UBR3: variants seen among roughly 807,000 people sequenced by gnomAD.
UBR3 encodes the protein E3 ubiquitin-protein ligase UBR3.
Under a neutral mutation model 243.2 loss-of-function variants are expected in UBR3, and 85 were observed. The observed-to-expected ratio is 0.35, with a 90% CI of 0.29 to 0.42. The LOEUF (loss-of-function observed/expected upper bound fraction) is 0.42. Among genes scored for constraint, UBR3 ranks in the 10% least tolerant of loss-of-function variants. The pLI is 1.00. For missense variants in UBR3, 1,686 were observed against 2,300.8 expected (o/e 0.73, Z 5.47); for synonymous variants, 748 against 799.8 (o/e 0.94, Z 1.09).
chr2:169,911,593 G>C (rs577993741), intron 10 of UBR3, among the ~76,000 whole-genome samples: 2 of 152,152 alleles, frequency 1.3e-5, no homozygotes, highest in East Asian at 3.9e-4. Flanking sequence ...ATCAGAACAT[G>C]ATTATTAAAT....
Position 169,827,851 on chromosome 2 carries a change from A to G in UBR3, c.344A>G (p.Asp115Gly). ...DEFCAAVRAYDPAALCGLVWT... is the reference protein window; with the variant it reads ...DEFCAAVRAYGPAALCGLVWT... ...TTCTGCGCGGCGGTGCGGGCCTACG[A>G]TCCCGCGGCGCTCTGCGGCCTGGTC... The change falls in exon 1 of 39, where the codon GAT becomes GGT. Residue 115 changes from aspartate (D) to glycine (G), a missense_variant. This residue lies in a region of UBR3 where 145 missense variants were observed against 243.8 expected (regional missense o/e 0.59). Transcript: ENST00000272793. 6.6e-7 allele frequency: 1 copy of G among 1,505,950 alleles called. No individual in the cohort carries two copies. The highest frequency in any genetic ancestry group is 8.8e-7 in the Non-Finnish European group (1 of 1,131,740). The allele number at this position is 1,505,950 out of a possible 1,614,324, so 93.3% of individuals were successfully genotyped here. A position where few individuals can be genotyped will look rare whatever the true frequency, so the allele number is the denominator to read the frequency against.
At chr2:169,992,752 T>G (rs2089326956) in intron 25 of UBR3, among the ~76,000 whole-genome samples, 1 of 152,190 alleles carries the variant, frequency 6.6e-6, no homozygotes, top group South Asian at 2.1e-4. Context: ...AGGTTATTCT[T>G]TTTTAAAAAT....
intron 8 of UBR3, among the ~76,000 whole-genome samples, chr2:169,897,741 T>C (rs1354805964): frequency 2.0e-5 from 3 of 152,080 alleles, no homozygotes; most frequent in Non-Finnish European, 4.4e-5. Context: ...CCTCAGGTGA[T>C]CCCCCTGCCT....
intron 24 of UBR3, 70 bp downstream of exon 24, chr2:169,958,596 C>G: frequency 7.4e-7 from 1 of 1,353,320 alleles, no homozygotes; most frequent in South Asian, 1.3e-5. Context: ...GTAGTCCAGT[C>G]TTTTACTAAT....
intron 24 of UBR3, among the ~76,000 whole-genome samples, chr2:169,979,348 G>C (rs1365845148): frequency 6.6e-6 from 1 of 152,174 alleles, no homozygotes; most frequent in Non-Finnish European, 1.5e-5. Flanking sequence ...GCATTTTCCT[G>C]TAAAGCTAAG....
rs1199378819 is a variant in UBR3, at chr2:170,073,499, A to G, written c.5091A>G (p.Pro1697=). Residue 1697 remains proline (P), a synonymous_variant, in exon 36 of 39, where the codon CCA becomes CCG. Coordinates refer to ENST00000272793, the MANE Select transcript of UBR3 (RefSeq NM_172070.4). The part of the protein sequence containing the change: ...LLPTFYQTEH[P]FISASCLDWP... ...CAACGTTTTACCAAACAGAACATCC[A>G]TTCATCAGTGCCTCCTGTCTGGATT... 33 of 1,613,750 alleles carry G rather than the reference A, an allele frequency of 2.0e-5. No individual in the cohort carries two copies. The highest frequency in any genetic ancestry group is 4.5e-5 in the East Asian group (2 of 44,876).
At chr2:169,850,566 C>T (rs556223331) in intron 1 of UBR3, among the ~76,000 whole-genome samples, 29 of 152,190 alleles carry the variant, frequency 1.9e-4, no homozygotes, top group African/African-American at 5.8e-4. Context: ...TAATTGAGGC[C>T]GGGCACAGTG....
chr2:169,986,661 T>A lies in UBR3; in HGVS notation c.3651T>A (p.Asp1217Glu). ...TTCCCTCAGATTCTCCTGAGAATGA[T>A]ATTCCTATGGAGATCACCACGGCAG... ...TAMDVDSPEN[D>E]IPMEITTAEP... The change falls in exon 25 of 39, where the codon GAT becomes GAA. Residue 1217 changes from aspartate (D) to glutamate (E), a missense_variant. Asp to Glu is a conservative substitution (Grantham distance 45). Coordinates refer to ENST00000272793, the MANE Select transcript of UBR3 (RefSeq NM_172070.4). The A allele has an allele frequency of 6.2e-7, 1 of 1,611,380 alleles. No individual in the cohort carries two copies. The highest frequency in any genetic ancestry group is 8.5e-7 in the Non-Finnish European group (1 of 1,179,046).
At chr2:169,911,446 T>C (rs566812171) in intron 10 of UBR3, among the ~76,000 whole-genome samples, 1 of 152,262 alleles carries the variant, frequency 6.6e-6, no homozygotes, top group African/African-American at 2.4e-5. Flanking sequence ...GTATTATGCT[T>C]ATTTTTACAT....
Position 170,079,845 on chromosome 2 carries a change from T to C in UBR3, c.5231T>C (p.Leu1744Ser), listed in dbSNP as rs1037442209. ...ALLIQESKWK[L>S]PHLLQLPENY... ...CTTATCCAAGAGTCAAAATGGAAAT[T>C]ACCACACCTACTACAGTTGCCTGAG... Residue 1744 changes from leucine (L) to serine (S), a missense_variant, in exon 37 of 39, where the codon TTA becomes TCA. Leu to Ser is a moderately radical substitution (Grantham distance 145, BLOSUM62 -2). Transcript: ENST00000272793. 1 of 1,613,630 alleles carries C rather than the reference T, an allele frequency of 6.2e-7. No homozygotes were observed. Among genetic ancestry groups the C allele is most frequent in the African/African-American group, 1.3e-5 (1 of 74,938 alleles).
intron 24 of UBR3, among the ~76,000 whole-genome samples, chr2:169,985,195 AC>A (rs902465203): frequency 2.1e-5 from 3 of 143,796 alleles, no homozygotes; most frequent in African/African-American, 7.7e-5. Context: ...TCTCCCTAAG[AC>A]CCAAAGTAGT....
chr2:169,848,727 A>G (rs1036709765), intron 1 of UBR3, among the ~76,000 whole-genome samples: 1 of 149,080 alleles, frequency 6.7e-6, no homozygotes, highest in African/African-American at 2.5e-5. Flanking sequence ...TTTTTTTGAG[A>G]CAAAGAATTC....
intron 1 of UBR3, among the ~76,000 whole-genome samples, chr2:169,856,810 A>G (rs1178190350): frequency 2.5e-5 from 3 of 120,520 alleles, no homozygotes; most frequent in Non-Finnish European, 3.3e-5. Context: ...TTGGCATCAG[A>G]GGGAGACCGT....
intron 11 of UBR3, among the ~76,000 whole-genome samples, chr2:169,922,755 C>T (rs2085756641): frequency 6.6e-6 from 1 of 151,798 alleles, no homozygotes; most frequent in Non-Finnish European, 1.5e-5. Flanking sequence ...AAGGTTTATT[C>T]ATGTTACAGA....
rs2086793324 is a variant in UBR3, at chr2:169,946,382, C to T, written c.2900C>T (p.Ser967Leu). 2.0e-6 allele frequency: 3 copies of T among 1,494,002 alleles called. No individual in the cohort carries two copies. The highest frequency in any genetic ancestry group is 2.7e-6 in the Non-Finnish European group (3 of 1,114,344). The allele number at this position is 1,494,002 out of a possible 1,614,324, so 92.5% of individuals were successfully genotyped here. The change falls in exon 21 of 39, where the codon TCA (serine) becomes TTA (leucine). Residue 967 changes from serine (S) to leucine (L), a missense_variant. This residue lies in a region of UBR3 where 300 missense variants were observed against 314.4 expected (regional missense o/e 0.95). Transcript: ENST00000272793. Reference protein sequence around the residue: ...LGLENSAEEESDEEASVGGPE... With the variant: ...LGLENSAEEELDEEASVGGPE... Reference sequence around the variant, plus strand: ...CTTGAAAATTCTGCTGAAGAAGAATCAGATGAAGAGGTAAGTAGTTTTTAT... The same window carrying T: ...CTTGAAAATTCTGCTGAAGAAGAATTAGATGAAGAGGTAAGTAGTTTTTAT...
chr2:169,982,122 A>G (rs1346077345), intron 24 of UBR3, among the ~76,000 whole-genome samples: 2 of 152,180 alleles, frequency 1.3e-5, no homozygotes, highest in East Asian at 1.9e-4. Context: ...AAAATTTTCT[A>G]TTAATGTATG....
chr2:169,998,652 C>T (rs566384977), intron 26 of UBR3, among the ~76,000 whole-genome samples: 1 of 152,324 alleles, frequency 6.6e-6, no homozygotes, highest in Admixed American at 6.5e-5. Flanking sequence ...AGAAGAATGA[C>T]TATCAGTGGG....
chr2:169,864,439 C>T (rs10198964), intron 1 of UBR3, among the ~76,000 whole-genome samples: 28 of 152,160 alleles, frequency 1.8e-4, no homozygotes, highest in African/African-American at 5.8e-4. Flanking sequence ...TTAAATGGGT[C>T]GCAGATTATT....
chr2:169,828,799 A>T (rs1005991773), intron 1 of UBR3, among the ~76,000 whole-genome samples: 1 of 152,210 alleles, frequency 6.6e-6, no homozygotes, highest in Admixed American at 6.5e-5. Context: ...TTCTCCAGTT[A>T]AGGGCACTTT....
Sources: allele counts gnomAD v4.1 joint callset (sites outside exome capture counted in the v4.1 genomes callset), GRCh38; gene constraint gnomAD v4.1.1; regional missense constraint gnomAD v4.1.1; transcripts MANE v1.5; gene names NCBI Gene and HGNC (gene_info 2026-07-23, HGNC 2026-07-21).